LRRK1: variants seen among roughly 807,000 people sequenced by gnomAD.
LRRK1 encodes the protein leucine rich repeat kinase 1.
A neutral mutation model predicts 209.1 loss-of-function variants in LRRK1; 113 were observed. The ratio of observed to expected loss-of-function variants is 0.54; its 90% CI spans 0.46 to 0.63. LRRK1 has a LOEUF of 0.63. LRRK1 is among the 30% of genes least tolerant of loss of function. The pLI, the probability that LRRK1 is intolerant of heterozygous loss-of-function variation, is 0.00. For missense variants in LRRK1, 2,284 were observed against 2,632.2 expected (o/e 0.87, Z 2.89); for synonymous variants, 1,144 against 1,099.7 (o/e 1.04, Z -0.80).
At chr15:101,008,762 C>T (rs1213770070) in intron 6 of LRRK1, 75 bp from the exon 7 acceptor site, 1 of 1,152,956 alleles carries the variant, frequency 8.7e-7, no homozygotes, top group African/African-American at 1.5e-5. Context: ...TTGCATTAAC[C>T]CTTGCTTTAT....
chr15:100,992,850 G>A (rs2032219663), intron 6 of LRRK1, among the ~76,000 whole-genome samples: 1 of 152,184 alleles, frequency 6.6e-6, no homozygotes, highest in Non-Finnish European at 1.5e-5. Context: ...TGTATTTTTA[G>A]TAGAGATGGG....
At chr15:101,053,956 A>G (rs562592625) in intron 26 of LRRK1, among the ~76,000 whole-genome samples, 1 of 152,306 alleles carries the variant, frequency 6.6e-6, no homozygotes, top group Non-Finnish European at 1.5e-5. Context: ...TTCTGCCTCA[A>G]TGGAAGATAA....
intron 4 of LRRK1, among the ~76,000 whole-genome samples, chr15:100,987,995 A>G (rs987732675): frequency 6.6e-6 from 1 of 152,052 alleles, no homozygotes; most frequent in African/African-American, 2.4e-5. Flanking sequence ...TTAATCCTCC[A>G]TTTCATCACT....
chr15:100,942,683 G>C (rs1278176243), intron 2 of LRRK1, among the ~76,000 whole-genome samples: 1 of 152,168 alleles, frequency 6.6e-6, no homozygotes, highest in Non-Finnish European at 1.5e-5. Flanking sequence ...TCTTCAGAAT[G>C]CTTTTTCTTT....
chr15:101,058,113 G>GTGTT lies in LRRK1; in HGVS notation c.4653_4656dup (p.Trp1553ValfsTer86). 6.2e-7 allele frequency: 1 copy of GTGTT among 1,614,198 alleles called. No homozygotes were observed. The highest frequency in any genetic ancestry group is 1.7e-4 in the Middle Eastern group (1 of 6,060). ...ATCCCAGGGCCAGGAGTACACCGTG[G>GTGTT]TGTTTTGGGATGGAAAAGAGGAGTC... On this transcript the variant is annotated frameshift_variant, in exon 29 of 34. Transcript: ENST00000388948. LOFTEE classifies it high-confidence loss of function.
At chr15:101,002,616 G>A (rs141475933) in intron 6 of LRRK1, among the ~76,000 whole-genome samples, 10 of 152,122 alleles carry the variant, frequency 6.6e-5, no homozygotes, top group Admixed American at 2.6e-4. Flanking sequence ...TTGCTCTCTC[G>A]GAATCTTGTT....
intron 13 of LRRK1, chr15:101,021,611 G>A (rs747450381): frequency 2.7e-4 from 143 of 538,958 alleles, no homozygotes; most frequent in Non-Finnish European, 4.3e-4. Flanking sequence ...GGAAAGTTGG[G>A]GGAGGGGACT....
chr15:100,952,211 G>A (rs974247466), intron 2 of LRRK1, among the ~76,000 whole-genome samples: 3 of 152,158 alleles, frequency 2.0e-5, no homozygotes, highest in Non-Finnish European at 4.4e-5. Context: ...TATTTGCAGG[G>A]TGGTACAAAT....
At position 101,021,868 on chromosome 15, in the gene LRRK1, C is replaced by T. The variant is rs771907397; in HGVS notation, c.1763C>T (p.Pro588Leu). 1.9e-6 allele frequency: 3 copies of T among 1,613,950 alleles called. No individual in the cohort carries two copies. The highest frequency in any genetic ancestry group is 2.5e-6 in the Non-Finnish European group (3 of 1,179,948). Residue 588 changes from proline to leucine, a missense_variant, in exon 14 of 34, where the codon CCT (proline) becomes CTT (leucine). Around this residue, in one of 6 missense-constraint regions of LRRK1, gnomAD observed 494 missense variants for 522.1 expected, o/e 0.95. Coordinates refer to ENST00000388948, the MANE Select transcript of LRRK1 (RefSeq NM_024652.6). Reference protein sequence around the residue: ...LGNNPGLRELPPELGQLGNLW... With the variant: ...LGNNPGLRELLPELGQLGNLW... ...AGCAACCCTGGCCTCCGGGAGCTCC[C>T]TCCTGAGCTGGGGCAGCTGGGCAAC...
At chr15:100,929,798 A>G (rs1045646794) in intron 2 of LRRK1, among the ~76,000 whole-genome samples, 6 of 152,202 alleles carry the variant, frequency 3.9e-5, no homozygotes, top group African/African-American at 1.4e-4. Context: ...GCAGGAGTTC[A>G]CCAGCCCCTC....
At chr15:100,985,337 G>A (rs12901478) in intron 4 of LRRK1, among the ~76,000 whole-genome samples, 29,591 of 152,158 alleles carry the variant, frequency 0.19, 3,411 homozygotes, top group African/African-American at 0.32. Context: ...AGCTGACTCC[G>A]TCACCTAATG....
chr15:101,036,558 C>G (rs948367594), intron 20 of LRRK1, among the ~76,000 whole-genome samples: 3 of 152,040 alleles, frequency 2.0e-5, no homozygotes, highest in African/African-American at 7.2e-5. Context: ...TTCTATCTCA[C>G]TGAGCTCCTT....
chr15:101,055,696 A>G (rs1159352577), intron 27 of LRRK1, among the ~76,000 whole-genome samples: 2 of 152,242 alleles, frequency 1.3e-5, no homozygotes, highest in East Asian at 3.9e-4. Context: ...TGAAAGAGCA[A>G]GCTGGCATCC....
At chr15:101,052,867 G>T in intron 24 of LRRK1, 55 bp from the exon 25 acceptor site, 1 of 1,573,870 alleles carries the variant, frequency 6.4e-7, no homozygotes, top group South Asian at 1.1e-5. Context: ...CCCAGCCCAG[G>T]ACCCACCCGC....
chr15:100,941,478 G>GTC (rs1567191323), intron 2 of LRRK1, among the ~76,000 whole-genome samples: 2 of 147,670 alleles, frequency 1.4e-5, no homozygotes, highest in Admixed American at 1.3e-4. Flanking sequence ...GTGTGTGTGT[G>GTC]TGTGTGTGTG....
chr15:101,045,950 C>G (rs376458004), intron 20 of LRRK1, 31 bp from the exon 21 acceptor site: 2 of 1,606,064 alleles, frequency 1.2e-6, no homozygotes, highest in Non-Finnish European at 1.7e-6. Context: ...TTGGGCCCCA[C>G]TGTTCACCAG....
At chr15:100,976,652 T>C (rs2031312970) in intron 3 of LRRK1, among the ~76,000 whole-genome samples, 1 of 152,196 alleles carries the variant, frequency 6.6e-6, no homozygotes. Flanking sequence ...TTCATTATCT[T>C]TGACCCAGCA....
In LRRK1 at chr15:101,046,039, C is replaced by T. The variant is rs1272354949; in HGVS notation, c.3022C>T (p.His1008Tyr). 1 of 1,614,092 alleles carries T rather than the reference C, an allele frequency of 6.2e-7. No individual in the cohort carries two copies. The highest frequency in any genetic ancestry group is 8.5e-7 in the Non-Finnish European group (1 of 1,180,030). The change falls in exon 21 of 34, where the codon CAC (histidine) becomes TAC (tyrosine). Residue 1008 changes from histidine (H) to tyrosine (Y), a missense_variant. Coordinates refer to ENST00000388948, the MANE Select transcript of LRRK1 (RefSeq NM_024652.6). ...KPGLDTHGMR[H>Y]PTANTIQRVF... is the part of the protein sequence containing the mutation. ...TGGCCTGGACACCCACGGTATGCGGCACCCCACAGCCAACACCATTCAGAG... is the reference window on the plus strand; with the variant it reads ...TGGCCTGGACACCCACGGTATGCGGTACCCCACAGCCAACACCATTCAGAG...
rs3031683 is a variant in LRRK1 at position 101,021,775 on chromosome 15, CGTGT to C, written c.1740-35_1740-32del. 4.5e-3 allele frequency: 3,855 copies of C among 856,616 alleles called. 21 individuals are homozygous for C. The highest frequency in any genetic ancestry group is 0.026 in the African/African-American group (1,502 of 57,410). The allele number at this position is 856,616 out of a possible 1,614,324, so 53.1% of individuals were successfully genotyped here. On this transcript the variant is annotated intron_variant, in intron 13 of 33. Transcript: ENST00000388948. ...GAGGCTGACAGGAGCCACGTGTGTG[CGTGT>C]GTGTGTGTGTGTGTGTGTGTGTGTG...
Sources: allele counts gnomAD v4.1 joint callset (sites outside exome capture counted in the v4.1 genomes callset), GRCh38; gene constraint gnomAD v4.1.1; regional missense constraint gnomAD v4.1.1; transcripts MANE v1.5; gene names NCBI Gene and HGNC (gene_info 2026-07-23, HGNC 2026-07-21).